Variants in TM4SF20 observed in about 807,000 individuals in gnomAD.
The protein encoded by TM4SF20 is transmembrane 4 L6 family member 20.
A neutral mutation model predicts 15.1 loss-of-function variants in TM4SF20; 13 were observed. The observed-to-expected ratio is 0.86, with a 90% CI of 0.56 to 1.36. The LOEUF is 1.36. Ranked by LOEUF, TM4SF20 falls within the 40% of genes most tolerant of loss-of-function variation. TM4SF20 has a pLI of 0.00. For missense variants in TM4SF20, 282 were observed against 268.4 expected (o/e 1.05, Z -0.35); for synonymous variants, 92 against 96.6 (o/e 0.95, Z 0.28).
At chr2:227,368,335 T>TATATATATATATA (rs1553786651) in intron 2 of TM4SF20, among the ~76,000 whole-genome samples, 2,756 of 122,404 alleles carry the variant, frequency 0.023, 77 homozygotes, top group Middle Eastern at 0.037. Flanking sequence ...CATCTATTAT[T>TATATATATATATA]TATATATATA....
In TM4SF20 at chr2:227,368,269, C is replaced by T. The variant is rs188673835; in HGVS notation, c.250-2025G>A. On this transcript the variant is annotated intron_variant, in intron 2 of 3. Transcript: ENST00000304568. ...CCATCTCCTGACCTTGTGATCCGCC[C>T]GCCTCAGCCTCCCAAAGTGCTGGGA... Among the ~76,000 whole-genome samples the T allele has an allele frequency of 6.6e-4, 98 of 148,288 alleles. 1 individual carries two copies. Among genetic ancestry groups the T allele is most frequent in the African/African-American group, 1.8e-3 (75 of 40,716 alleles).
chr2:227,373,926 T>TAAAAAAA (rs1560006550), intron 1 of TM4SF20, among the ~76,000 whole-genome samples: 2 of 17,336 alleles, frequency 1.2e-4, no homozygotes, highest in African/African-American at 1.9e-4. Flanking sequence ...AGACTCCGTC[T>TAAAAAAA]CAAAAAAAAA....
Position 227,363,644 on chromosome 2 carries a change from A to G in TM4SF20, c.*80T>C, listed in dbSNP as rs2106486751. The G allele has an allele frequency of 7.1e-7, 1 of 1,411,554 alleles. No homozygotes were observed. Among genetic ancestry groups the G allele is most frequent in the East Asian group, 2.3e-5 (1 of 43,622 alleles). 87.4% of individuals were successfully genotyped at this position (1,411,554 alleles called of 1,614,324 possible). A position where few individuals can be genotyped will look rare whatever the true frequency, so the allele number is the denominator to read the frequency against. ...ACGTGAAGGGTTGATTTTTTAAATC[A>G]TCTCAAAGATGACTTTGAAAACAAG... On this transcript the variant is annotated 3_prime_UTR_variant, in exon 4 of 4. Coordinates refer to ENST00000304568, the MANE Select transcript of TM4SF20 (RefSeq NM_024795.4).
chr2:227,367,506 T>A (rs34078242), intron 2 of TM4SF20, among the ~76,000 whole-genome samples: 44,464 of 151,814 alleles, frequency 0.29, 7,419 homozygotes, highest in South Asian at 0.48. Flanking sequence ...AGAGCCCATC[T>A]CTAAAAGAAA....
At chr2:227,373,756 C>A (rs1344551516) in intron 1 of TM4SF20, among the ~76,000 whole-genome samples, 1 of 151,696 alleles carries the variant, frequency 6.6e-6, no homozygotes, top group Non-Finnish European at 1.5e-5. Context: ...TGGTGAAACC[C>A]CATCTCTACT....
chr2:227,371,181 G>A (rs2076419848), intron 1 of TM4SF20, among the ~76,000 whole-genome samples: 1 of 152,144 alleles, frequency 6.6e-6, no homozygotes, highest in South Asian at 2.1e-4. Context: ...GCGGGAACAG[G>A]GGAATTCAAG....
Position 227,364,656 on chromosome 2 carries a change from AC to A in TM4SF20, c.402-645del, listed in dbSNP as rs546567049. 2.0e-5 allele frequency among the ~76,000 whole-genome samples: 3 copies of A among 152,294 alleles called. No homozygotes were observed. The East Asian group carries it at 5.8e-4, about 29-fold the overall frequency. On this transcript the variant is annotated intron_variant, in intron 3 of 3. Transcript: ENST00000304568. ...AGCAACTGACATTCAACCTGGGAAA[AC>A]AACAGTATTTTCAGCACATGGAATA...
chr2:227,378,117 CATTT>C (rs2076461003), intron 1 of TM4SF20, among the ~76,000 whole-genome samples: 2 of 152,060 alleles, frequency 1.3e-5, no homozygotes, highest in East Asian at 1.9e-4. Flanking sequence ...CACACACATT[CATTT>C]ATTTGGCACT....
intron 1 of TM4SF20, among the ~76,000 whole-genome samples, chr2:227,372,587 G>C (rs566805673): frequency 6.6e-6 from 1 of 152,282 alleles, no homozygotes; most frequent in South Asian, 2.1e-4. Context: ...GTTGCAGTTA[G>C]CTGAGATCAT....
At position 227,363,415 on chromosome 2, in the gene TM4SF20, CAAA is replaced by C. The variant is rs5839210; in HGVS notation, c.*306_*308del. 842 of 139,502 alleles carry C rather than the reference CAAA, an allele frequency of 6.0e-3. No homozygotes were observed. The highest frequency in any genetic ancestry group is 0.015 in the South Asian group (106 of 7,154). The allele number at this position is 139,502 out of a possible 1,614,324, so 8.6% of individuals were successfully genotyped here. On this transcript the variant is annotated 3_prime_UTR_variant, in exon 4 of 4. Transcript: ENST00000304568. ...TCCAGCCTTTTTTGAGACCCTGTCT[CAAA>C]AAAAAAAAAAAAAAGTCCTGTACTT... is the stretch of plus-strand genomic sequence containing the variant.
Position 227,363,885 on chromosome 2 carries a change from A to G in TM4SF20, c.529T>C (p.Phe177Leu), listed in dbSNP as rs1197469623. The change falls in exon 4 of 4, where the codon TTC (phenylalanine) becomes CTC (leucine). Residue 177 changes from phenylalanine to leucine, a missense_variant. Transcript: ENST00000304568. ...CTATGTTTGTTTTCTTCAGAATCGA[A>G]GTGGAAACTAGATGCTCTCCAGCCA... ...ASGWRASSFH[F>L]DSEENKHRLI... 1.5e-5 allele frequency: 25 copies of G among 1,614,028 alleles called. No individual in the cohort carries two copies. The highest frequency in any genetic ancestry group is 2.1e-5 in the Non-Finnish European group (25 of 1,180,038).
intron 3 of TM4SF20, 46 bp from the exon 4 acceptor site, chr2:227,364,058 C>A: frequency 6.4e-7 from 1 of 1,551,038 alleles, no homozygotes; most frequent in African/African-American, 1.4e-5. Context: ...ATATCCCTGA[C>A]CAAAGGAAAG....
At chr2:227,366,479 GC>G (rs1241077185) in intron 2 of TM4SF20, among the ~76,000 whole-genome samples, 1 of 152,026 alleles carries the variant, frequency 6.6e-6, no homozygotes, top group African/African-American at 2.4e-5. Context: ...TGTAATCTCA[GC>G]ACTGTGGGAG....
intron 2 of TM4SF20, among the ~76,000 whole-genome samples, chr2:227,369,427 C>CTTTTTTTTT (rs57148409): frequency 2.4e-5 from 3 of 125,292 alleles, no homozygotes; most frequent in Non-Finnish European, 4.8e-5. Context: ...CCCCATCTGT[C>CTTTTTTTTT]TTTTTTTTTT....
intron 2 of TM4SF20, among the ~76,000 whole-genome samples, chr2:227,369,347 C>T (rs1030020689): frequency 6.6e-6 from 1 of 151,168 alleles, no homozygotes; most frequent in Non-Finnish European, 1.5e-5. Flanking sequence ...TTGAAAAATA[C>T]TGATGCAGAA....
At chr2:227,375,885 G>T (rs2076448131) in intron 1 of TM4SF20, among the ~76,000 whole-genome samples, 2 of 152,164 alleles carry the variant, frequency 1.3e-5, no homozygotes, top group African/African-American at 4.8e-5. Context: ...GCATGATTAA[G>T]ATCAGGCTCA....
intron 1 of TM4SF20, among the ~76,000 whole-genome samples, chr2:227,373,044 C>G (rs1187982270): frequency 1.3e-5 from 2 of 152,108 alleles, no homozygotes; most frequent in East Asian, 3.9e-4. Flanking sequence ...CACACTGACT[C>G]AAGTCTTACA....
chr2:227,376,546 A>C (rs2076451411), intron 1 of TM4SF20, among the ~76,000 whole-genome samples: 1 of 152,230 alleles, frequency 6.6e-6, no homozygotes, highest in Non-Finnish European at 1.5e-5. Context: ...ACATTCTATA[A>C]TACAGAATAA....
chr2:227,373,428 G>A (rs572978144), intron 1 of TM4SF20, among the ~76,000 whole-genome samples: 33 of 151,894 alleles, frequency 2.2e-4, no homozygotes, highest in Middle Eastern at 3.4e-3. Context: ...CTCCCAAATA[G>A]GTATCAGTAT....
Sources: gnomAD v4.1 joint callset for allele counts (sites outside exome capture counted in the v4.1 genomes callset) on GRCh38, gnomAD v4.1.1 for gene constraint, MANE v1.5 for transcripts, NCBI Gene and HGNC (gene_info 2026-07-23, HGNC 2026-07-21) for gene names.